Variants in ABLIM2 observed in about 807,000 individuals in gnomAD.
The protein encoded by ABLIM2 is actin-binding LIM protein 2.
ABLIM2 carries 53 observed loss-of-function variants against 97.7 expected under a neutral mutation model. The ratio of observed to expected loss-of-function variants is 0.54; its 90% confidence interval spans 0.44 to 0.68. The LOEUF is 0.68. Ranked by LOEUF, ABLIM2 falls within the 30% of genes least tolerant of loss-of-function variation. The pLI is 0.00. For missense variants in ABLIM2, 835 were observed against 867.2 expected, an observed-to-expected ratio of 0.96 and a Z score of 0.47; for synonymous variants, 361 against 345.8, an observed-to-expected ratio of 1.04 and a Z score of -0.49.
intron 6 of ABLIM2, among the ~76,000 whole-genome samples, chr4:8,077,357 C>T (rs1370708451): frequency 6.6e-6 from 1 of 152,192 alleles, no homozygotes; most frequent in Admixed American, 6.5e-5. Context: ...AACGGCTGGG[C>T]CAAAACATCT....
chr4:8,113,765 T>C lies in ABLIM2; in HGVS notation c.11-7128A>G, dbSNP rs1246509745. On this transcript the variant is annotated intron_variant, in intron 1 of 20. Coordinates refer to ENST00000447017, the MANE Select transcript of ABLIM2 (RefSeq NM_001130083.2). This position sits in a 1 kb window ranked among gnomAD's most constrained non-coding sequence, Gnocchi z 4.5. ...AAATGTCCTAAGGATGTTCTAATAA[T>C]ATTCAGTTTTCTAAGCCTACACACG... 2.0e-5 allele frequency among the ~76,000 whole-genome samples: 3 copies of C among 152,170 alleles called. No individual in the cohort carries two copies. The highest frequency in any genetic ancestry group is 2.9e-5 in the Non-Finnish European group (2 of 68,028).
At chr4:8,010,141 A>G (rs1298068616) in intron 14 of ABLIM2, among the ~76,000 whole-genome samples, 1 of 152,208 alleles carries the variant, frequency 6.6e-6, no homozygotes. Flanking sequence ...TACCAAGAAT[A>G]CCATCTGCAG....
rs749719479 is a variant in ABLIM2 at position 8,022,308 on chromosome 4, A to T, written c.1268-2005T>A. Among the ~76,000 whole-genome samples, 10 of 152,150 alleles carry T rather than the reference A, an allele frequency of 6.6e-5. No homozygotes were observed. The highest frequency in any genetic ancestry group is 1.2e-4 in the Non-Finnish European group (8 of 68,002). Reference sequence around the variant, plus strand: ...CCCCACTCAGTGGGCCGAGGATCTAACACATCACAGTGTACCTGTCCCTCC... The same window carrying T: ...CCCCACTCAGTGGGCCGAGGATCTATCACATCACAGTGTACCTGTCCCTCC... On this transcript the variant is annotated intron_variant, in intron 12 of 20. Coordinates refer to ENST00000447017, the MANE Select transcript of ABLIM2 (RefSeq NM_001130083.2). This position sits in a 1 kb window ranked among gnomAD's most constrained non-coding sequence, Gnocchi z 7.8.
intron 3 of ABLIM2, among the ~76,000 whole-genome samples, chr4:8,089,632 G>A (rs1202325917): frequency 6.6e-6 from 1 of 151,602 alleles, no homozygotes; most frequent in Admixed American, 6.6e-5. Context: ...CTACTTGAGA[G>A]GGTGAGGCAG....
intron 8 of ABLIM2, among the ~76,000 whole-genome samples, chr4:8,051,657 T>G (rs1431822577): frequency 1.3e-5 from 2 of 152,124 alleles, no homozygotes; most frequent in African/African-American, 2.4e-5. Context: ...AAGCAGCTCT[T>G]AGAACCAGGC....
At chr4:7,991,544 C>T (rs1431740967) in intron 17 of ABLIM2, among the ~76,000 whole-genome samples, 1 of 152,140 alleles carries the variant, frequency 6.6e-6, no homozygotes, top group Admixed American at 6.5e-5. Context: ...CTTTTGGTGT[C>T]GTAGGAGTCC....
intron 5 of ABLIM2, among the ~76,000 whole-genome samples, chr4:8,079,467 TGACC>T (rs1818354942): frequency 2.0e-5 from 3 of 152,188 alleles, no homozygotes; most frequent in Admixed American, 6.5e-5. Flanking sequence ...GGTCCCTGGA[TGACC>T]GTGACACAGG....
chr4:8,121,294 GC>G (rs1285199972), intron 1 of ABLIM2, among the ~76,000 whole-genome samples: 4 of 152,368 alleles, frequency 2.6e-5, no homozygotes, highest in Admixed American at 2.0e-4. Flanking sequence ...GTACTGGGCA[GC>G]CACCCCCGCT....
At chr4:8,151,480 G>A (rs1036187230) in intron 1 of ABLIM2, among the ~76,000 whole-genome samples, 1 of 152,124 alleles carries the variant, frequency 6.6e-6, no homozygotes, top group Admixed American at 6.5e-5. Flanking sequence ...ATCCACAGGC[G>A]GCAAGGCACC....
chr4:8,007,937 T>C (rs889345631), intron 16 of ABLIM2, 122 bp downstream of exon 16: 32 of 1,493,534 alleles, frequency 2.1e-5, no homozygotes, highest in Non-Finnish European at 2.7e-5. Context: ...TTTGTGGGCT[T>C]TGCTTTCATG....
chr4:7,967,327 G>A (rs982729074), intron 20 of ABLIM2, among the ~76,000 whole-genome samples: 4 of 152,220 alleles, frequency 2.6e-5, no homozygotes, highest in African/African-American at 4.8e-5. Context: ...CCCAGTGGTG[G>A]AGCTGGAGCC....
At chr4:8,073,042 T>C (rs1211043139) in intron 6 of ABLIM2, among the ~76,000 whole-genome samples, 1 of 151,858 alleles carries the variant, frequency 6.6e-6, no homozygotes, top group East Asian at 2.0e-4. Flanking sequence ...GTCTCTGCAG[T>C]GGGGACTTCC....
intron 9 of ABLIM2, among the ~76,000 whole-genome samples, chr4:8,039,896 TA>T (rs1787173821): frequency 7.0e-6 from 1 of 142,934 alleles, no homozygotes; most frequent in Admixed American, 7.2e-5. Flanking sequence ...TTTTTTTTTT[TA>T]ATAAATGCAG....
intron 9 of ABLIM2, among the ~76,000 whole-genome samples, chr4:8,039,659 AATG>A (rs1786827828): frequency 6.6e-6 from 1 of 152,236 alleles, no homozygotes; most frequent in African/African-American, 2.4e-5. Flanking sequence ...TAACCCAGTC[AATG>A]ATAACACAGA....
At chr4:8,030,255 T>C (rs1417226091) in intron 10 of ABLIM2, among the ~76,000 whole-genome samples, 1 of 152,124 alleles carries the variant, frequency 6.6e-6, no homozygotes, top group Non-Finnish European at 1.5e-5. Context: ...GGAAGCCCAG[T>C]TGAGTCAGAC....
chr4:8,143,153 C>T (rs1336818467), intron 1 of ABLIM2, among the ~76,000 whole-genome samples: 3 of 55,844 alleles, frequency 5.4e-5, no homozygotes, highest in African/African-American at 1.5e-4. Context: ...GGAGCGGGGG[C>T]GAGAGTGGGG....
chr4:8,123,150 T>C lies in ABLIM2; in HGVS notation c.11-16513A>G, dbSNP rs1287186016. Among the ~76,000 whole-genome samples the C allele has an allele frequency of 6.6e-6, 1 of 152,204 alleles. No homozygotes were observed. The highest frequency in any genetic ancestry group is 1.5e-5 in the Non-Finnish European group (1 of 68,030). ...ACCTCTTTGCCCGGGTCTGGACTCCTTAATCCTAATTGCGGTCCTCAGAGC... is the reference window on the plus strand; with the variant it reads ...ACCTCTTTGCCCGGGTCTGGACTCCCTAATCCTAATTGCGGTCCTCAGAGC... On this transcript the variant is annotated intron_variant, in intron 1 of 20. Transcript: ENST00000447017. This position sits in a 1 kb window ranked among gnomAD's most constrained non-coding sequence, Gnocchi z 6.2.
rs531646297 is a variant in ABLIM2, at chr4:8,055,896, C to G, written c.764-1650G>C. On this transcript the variant is annotated intron_variant, in intron 7 of 20. Transcript: ENST00000447017. Reference sequence around the variant, plus strand: ...AGGAGGCCAAGGTGGGTGGATCACTCGAGGTCAGGAGTTTAAGACCAGCCT... The same window carrying G: ...AGGAGGCCAAGGTGGGTGGATCACTGGAGGTCAGGAGTTTAAGACCAGCCT... 3.4e-4 allele frequency among the ~76,000 whole-genome samples: 51 copies of G among 152,076 alleles called. 1 individual carries two copies. The South Asian group carries it at 1.0e-2, about 30-fold the overall frequency.
In ABLIM2 at chr4:8,087,478, G is replaced by A. The variant is rs922745912; in HGVS notation, c.454+691C>T. On this transcript the variant is annotated intron_variant, in intron 4 of 20. Coordinates refer to ENST00000447017, the MANE Select transcript of ABLIM2 (RefSeq NM_001130083.2). This position sits in a 1 kb window ranked among gnomAD's most constrained non-coding sequence, Gnocchi z 4.6. ...CCTGGCCTAACTCCTGGGAGGTGGA[G>A]CAGTGAACCCAAGGGCCCCTGACTG... Among the ~76,000 whole-genome samples the A allele has an allele frequency of 1.3e-5, 2 of 152,194 alleles. No homozygotes were observed. Among genetic ancestry groups the A allele is most frequent in the Middle Eastern group, 3.2e-3 (1 of 316 alleles).
Sources: gnomAD v4.1 joint callset for allele counts (sites outside exome capture counted in the v4.1 genomes callset) on GRCh38, gnomAD v4.1.1 for gene constraint, Gnocchi (gnomAD v3.1) non-coding constraint, MANE v1.5 for transcripts, NCBI Gene and HGNC (gene_info 2026-07-23, HGNC 2026-07-21) for gene names.